RYR2: variants seen among roughly 807,000 people sequenced by gnomAD.
The protein encoded by RYR2 is ryanodine receptor 2.
In RYR2, 227 loss-of-function variants were observed where a neutral mutation model predicts 601.1. That is an observed-to-expected ratio of 0.38 (90% CI 0.34 to 0.42). The LOEUF (loss-of-function observed/expected upper bound fraction) is 0.42, where lower values mean the gene tolerates loss of function less well. RYR2 is among the 10% of genes least tolerant of loss of function. The probability of loss-of-function intolerance (pLI) is 1.00; values close to 1 mark genes in which losing one functional copy is unlikely to be tolerated. For synonymous variants in RYR2, 2,223 were observed against 2,175.1 expected (o/e 1.02, Z -0.61); for missense variants, 4,646 against 6,156.5 (o/e 0.75, Z 8.21).
At chr1:237,589,443 G>C (rs1048037649) in intron 29 of RYR2, among the ~76,000 whole-genome samples, 2 of 152,106 alleles carry the variant, frequency 1.3e-5, no homozygotes, top group Admixed American at 1.3e-4. Context: ...CCCTATATGA[G>C]AGAGTACATG....
Position 237,364,349 on chromosome 1 carries a change from C to T in RYR2, c.295-9C>T, listed in dbSNP as rs760744943. On this transcript the variant is annotated splice_polypyrimidine_tract_variant and intron_variant, in intron 4 of 104. Transcript: ENST00000366574. The stretch of plus-strand genomic sequence containing the variant: ...TAATGTTTCCTCTCTTTTCCTTATG[C>T]CCCTACAGAAATTCATGATGAAGGT... The T allele has an allele frequency of 4.4e-6, 7 of 1,573,952 alleles. No homozygotes were observed. Among genetic ancestry groups the T allele is most frequent in the Non-Finnish European group, 6.1e-6 (7 of 1,155,642 alleles).
At chr1:237,065,942 T>TCGC (rs1663552851) in intron 1 of RYR2, among the ~76,000 whole-genome samples, 1 of 152,262 alleles carries the variant, frequency 6.6e-6, no homozygotes, top group East Asian at 1.9e-4. Context: ...TCAAGAGCAC[T>TCGC]TGCTCACTAT....
intron 1 of RYR2, among the ~76,000 whole-genome samples, chr1:237,247,197 C>T (rs1540375): frequency 3.3e-5 from 5 of 151,946 alleles, no homozygotes; most frequent in Non-Finnish European, 5.9e-5. Flanking sequence ...TTGAGAAGGA[C>T]GGAGAAGGAA....
rs1366275810 is a variant in RYR2, at chr1:237,650,124, G to T, written c.7733+27G>T. On this transcript the variant is annotated intron_variant, in intron 50 of 104. Transcript: ENST00000366574. Reference sequence around the variant, plus strand: ...TGAGTGGATAACAAATTCTATTCCGGCTTCTTCTTTAAAAAACAGAATTTA... The same window carrying T: ...TGAGTGGATAACAAATTCTATTCCGTCTTCTTCTTTAAAAAACAGAATTTA... 3 of 1,583,934 alleles carry T rather than the reference G, an allele frequency of 1.9e-6. No homozygotes were observed. In the South Asian group the frequency reaches 3.4e-5, roughly 18 times the overall value.
chr1:237,506,851 A>G (rs1210770409), intron 23 of RYR2, 37 bp downstream of exon 23: 1 of 1,497,104 alleles, frequency 6.7e-7, no homozygotes, highest in Non-Finnish European at 9.3e-7. Flanking sequence ...GATTCTGTGA[A>G]TACATCTTTC....
chr1:237,680,910 G>C (rs1685821742), intron 62 of RYR2, among the ~76,000 whole-genome samples: 1 of 152,096 alleles, frequency 6.6e-6, no homozygotes, highest in Non-Finnish European at 1.5e-5. Flanking sequence ...TTTCTTTAAT[G>C]TTTCCACAAA....
intron 1 of RYR2, among the ~76,000 whole-genome samples, chr1:237,086,675 C>CA (rs1392583240): frequency 6.6e-6 from 1 of 152,090 alleles, no homozygotes; most frequent in African/African-American, 2.4e-5. Flanking sequence ...CCCACAATAT[C>CA]ATGGGTACCC....
chr1:237,786,233 G>A (rs531312746), intron 91 of RYR2, among the ~76,000 whole-genome samples, 197 bp downstream of exon 91: 2 of 152,130 alleles, frequency 1.3e-5, no homozygotes, highest in Admixed American at 1.3e-4. Context: ...AGACGCCCCC[G>A]GGGCTGCCAG....
chr1:237,463,376 C>CTT (rs1659700438), intron 16 of RYR2, among the ~76,000 whole-genome samples: 1 of 152,014 alleles, frequency 6.6e-6, no homozygotes, highest in Non-Finnish European at 1.5e-5. Flanking sequence ...TTCTTTTAAT[C>CTT]TAAATTTTTC....
At chr1:237,104,749 G>A (rs925120465) in intron 1 of RYR2, among the ~76,000 whole-genome samples, 2 of 151,962 alleles carry the variant, frequency 1.3e-5, no homozygotes, top group East Asian at 1.9e-4. Context: ...TTCTCTCCCC[G>A]CCTAGACCCC....
intron 52 of RYR2, 30 bp downstream of exon 52, chr1:237,654,444 A>G: frequency 2.5e-6 from 4 of 1,609,664 alleles, no homozygotes; most frequent in Non-Finnish European, 2.5e-6. Context: ...GTTTGTTTGT[A>G]TCAATAAAAT....
rs1681182291 is a variant in RYR2, at chr1:237,639,121, A to T, written c.7035A>T (p.Ala2345=). Residue 2345 remains alanine (A), a synonymous_variant, in exon 46 of 105, where the codon GCA becomes GCT. Transcript: ENST00000366574. ...GAGAAGGTGGGAATGGGCTTCTTGC[A>T]GCAATGGAAGAAGCCATCAAAATCG... ...LRGEGGNGLL[A]AMEEAIKIAE... 4.3e-6 allele frequency: 7 copies of T among 1,613,930 alleles called. No individual in the cohort carries two copies. The highest frequency in any genetic ancestry group is 5.9e-6 in the Non-Finnish European group (7 of 1,179,880).
chr1:237,753,899 A>G (rs1233927565), intron 80 of RYR2, among the ~76,000 whole-genome samples: 1 of 150,486 alleles, frequency 6.6e-6, no homozygotes, highest in Non-Finnish European at 1.5e-5. Flanking sequence ...GTATCTGAAA[A>G]TTTTCTGGTT....
At chr1:237,755,180 GA>G in intron 80 of RYR2, 1 of 1,042,886 alleles carries the variant, frequency 9.6e-7, no homozygotes, top group Admixed American at 3.2e-5. Context: ...TCATTTGTTT[GA>G]GCCCATTTCT....
chr1:237,563,790 A>G (rs1249917733), intron 27 of RYR2, among the ~76,000 whole-genome samples: 1 of 152,146 alleles, frequency 6.6e-6, no homozygotes, highest in East Asian at 1.9e-4. Flanking sequence ...ATTTGTGCTA[A>G]TATTAAAATT....
At chr1:237,213,059 A>T (rs1426772032) in intron 1 of RYR2, among the ~76,000 whole-genome samples, 1 of 152,182 alleles carries the variant, frequency 6.6e-6, no homozygotes, top group Non-Finnish European at 1.5e-5. Flanking sequence ...GGCGTGAGCC[A>T]CCACGACCGG....
chr1:237,824,338 T>C (rs189225660), intron 101 of RYR2, among the ~76,000 whole-genome samples: 1 of 149,616 alleles, frequency 6.7e-6, no homozygotes, highest in South Asian at 2.1e-4. Flanking sequence ...CATGATCAAG[T>C]AGGCTTCATC....
chr1:237,636,311 G>T (rs1680866636), intron 44 of RYR2, among the ~76,000 whole-genome samples: 1 of 152,074 alleles, frequency 6.6e-6, no homozygotes, highest in Admixed American at 6.5e-5. Flanking sequence ...TGCCTTTAGA[G>T]AACAGTGTCA....
chr1:237,148,553 T>TATGTATATATAC (rs71178397), intron 1 of RYR2, among the ~76,000 whole-genome samples: 1 of 105,702 alleles, frequency 9.5e-6, no homozygotes, highest in South Asian at 2.9e-4. Context: ...TATATATATA[T>TATGTATATATAC]ACACACACAC....
Sources: gnomAD v4.1 joint callset for allele counts (sites outside exome capture counted in the v4.1 genomes callset) on GRCh38, gnomAD v4.1.1 for gene constraint, MANE v1.5 for transcripts, NCBI Gene and HGNC (gene_info 2026-07-23, HGNC 2026-07-21) for gene names.